CRTC3: variants seen among roughly 807,000 people sequenced by gnomAD.
CRTC3 encodes the protein CREB regulated transcription coactivator 3.
In CRTC3, 26 loss-of-function variants were observed where a neutral mutation model predicts 74.5. That is an observed-to-expected ratio of 0.35 (90% confidence interval 0.26 to 0.48). CRTC3 has a LOEUF of 0.48. CRTC3 is among the 20% of genes least tolerant of loss of function. CRTC3 has a pLI of 0.99. For missense variants in CRTC3, 760 were observed against 787.3 expected, an observed-to-expected ratio of 0.97 and a Z score of 0.41; for synonymous variants, 377 against 325.8, an observed-to-expected ratio of 1.16 and a Z score of -1.69.
At position 90,592,354 on chromosome 15, in the gene CRTC3, A is replaced by G. The variant is rs114211253; in HGVS notation, c.232-1282A>G. Among the ~76,000 whole-genome samples the G allele has an allele frequency of 5.2e-3, 793 of 152,314 alleles. 4 individuals carry two copies. The highest frequency in any genetic ancestry group is 0.018 in the African/African-American group (764 of 41,556). Reference sequence around the variant, plus strand: ...ATGTTGTACAGTGTAAATATATACAATTTTTCTTTGTCAGTAACACCTTAA... The same window carrying G: ...ATGTTGTACAGTGTAAATATATACAGTTTTTCTTTGTCAGTAACACCTTAA... On this transcript the variant is annotated intron_variant, in intron 2 of 14. Transcript: ENST00000268184.
intron 2 of CRTC3, among the ~76,000 whole-genome samples, chr15:90,561,435 A>G (rs1967008741): frequency 6.6e-6 from 1 of 152,194 alleles, no homozygotes; most frequent in Admixed American, 6.5e-5. Context: ...CTGAAGTCTT[A>G]ATCGGCCTGT....
intron 11 of CRTC3, chr15:90,637,724 G>A (rs2151097378): frequency 6.6e-6 from 1 of 152,276 alleles, no homozygotes; most frequent in African/African-American, 2.4e-5. Flanking sequence ...CAAGGCAAGG[G>A]CTCTGCAGGT....
intron 2 of CRTC3, among the ~76,000 whole-genome samples, chr15:90,546,668 G>C (rs1409889007): frequency 6.6e-6 from 1 of 151,790 alleles, no homozygotes; most frequent in Non-Finnish European, 1.5e-5. Flanking sequence ...TGTTGCCCAG[G>C]CTGGAGTGCA....
chr15:90,640,104 G>C (rs62025066), intron 13 of CRTC3, among the ~76,000 whole-genome samples: 7,604 of 152,140 alleles, frequency 0.05, 251 homozygotes, highest in Non-Finnish European at 0.072. Context: ...TGTTTCCTAA[G>C]CAGGCCACAG....
chr15:90,581,865 G>A (rs758999451), intron 2 of CRTC3, among the ~76,000 whole-genome samples: 3 of 152,156 alleles, frequency 2.0e-5, no homozygotes, highest in Non-Finnish European at 2.9e-5. Flanking sequence ...GGAGGGAGTC[G>A]GCAGGCTGAC....
intron 13 of CRTC3, among the ~76,000 whole-genome samples, chr15:90,639,814 G>A (rs934890034): frequency 3.3e-5 from 5 of 150,316 alleles, no homozygotes; most frequent in Admixed American, 1.3e-4. Context: ...TTGGGAGGCC[G>A]AGGCGGGCGG....
chr15:90,575,298 C>T (rs1967377667), intron 2 of CRTC3, among the ~76,000 whole-genome samples: 1 of 152,126 alleles, frequency 6.6e-6, no homozygotes, highest in South Asian at 2.1e-4. Flanking sequence ...TTGCAGTGAG[C>T]CAAGATTGTG....
Position 90,603,311 on chromosome 15 carries a change from C to T in CRTC3, c.413+926C>T, listed in dbSNP as rs1291897292. On this transcript the variant is annotated intron_variant, in intron 4 of 14. Transcript: ENST00000268184. The stretch of plus-strand genomic sequence containing the variant: ...ACAAAAAAGTAGCCGGGCGTGGTGG[C>T]AGGCGCCTGTAGTCCCAGCTACTCG... Among the ~76,000 whole-genome samples, 26 of 149,358 alleles carry T rather than the reference C, an allele frequency of 1.7e-4. 1 individual carries two copies. The highest frequency in any genetic ancestry group is 6.6e-4 in the South Asian group (3 of 4,580).
intron 2 of CRTC3, among the ~76,000 whole-genome samples, chr15:90,571,649 C>A (rs986551286): frequency 1.3e-5 from 2 of 152,256 alleles, no homozygotes; most frequent in Non-Finnish European, 2.9e-5. Flanking sequence ...GTTGTAGAAA[C>A]TCAAATAATA....
intron 11 of CRTC3, among the ~76,000 whole-genome samples, chr15:90,633,702 T>C (rs1287741942): frequency 2.1e-5 from 3 of 142,764 alleles, no homozygotes; most frequent in African/African-American, 7.8e-5. Context: ...CAGTTTTCTC[T>C]GTTCTTTCTC....
chr15:90,628,631 C>T (rs1387007284), intron 10 of CRTC3, among the ~76,000 whole-genome samples: 1 of 152,222 alleles, frequency 6.6e-6, no homozygotes, highest in African/African-American at 2.4e-5. Context: ...CCAGCAAAAA[C>T]TTCCTTTTCC....
intron 2 of CRTC3, among the ~76,000 whole-genome samples, chr15:90,572,413 A>G (rs568022171): frequency 2.0e-5 from 3 of 152,168 alleles, no homozygotes; most frequent in Admixed American, 2.0e-4. Context: ...TATTTGTGAG[A>G]TATGTTCCTA....
chr15:90,601,273 C>G (rs1968061927), intron 3 of CRTC3, among the ~76,000 whole-genome samples: 1 of 152,168 alleles, frequency 6.6e-6, no homozygotes, highest in Non-Finnish European at 1.5e-5. Flanking sequence ...GTGAACAACA[C>G]AAGACTGATA....
At chr15:90,628,095 T>G (rs1309690176) in intron 10 of CRTC3, among the ~76,000 whole-genome samples, 1 of 151,240 alleles carries the variant, frequency 6.6e-6, no homozygotes, top group African/African-American at 2.4e-5. Context: ...CACATGCCTG[T>G]AGTCCCAGCT....
At chr15:90,590,352 A>G (rs1172433483) in intron 2 of CRTC3, among the ~76,000 whole-genome samples, 1 of 152,138 alleles carries the variant, frequency 6.6e-6, no homozygotes, top group African/African-American at 2.4e-5. Flanking sequence ...AGATATAACC[A>G]TGTAAGAACT....
chr15:90,561,617 T>C (rs1052855507), intron 2 of CRTC3, among the ~76,000 whole-genome samples: 2 of 152,172 alleles, frequency 1.3e-5, no homozygotes, highest in Non-Finnish European at 2.9e-5. Flanking sequence ...TTCAATCATA[T>C]TAGTATGAAG....
chr15:90,548,190 C>G (rs141450941), intron 2 of CRTC3, among the ~76,000 whole-genome samples: 4 of 152,136 alleles, frequency 2.6e-5, no homozygotes, highest in African/African-American at 7.2e-5. Context: ...CTCCCAGCCT[C>G]GTATCCTTTA....
intron 2 of CRTC3, among the ~76,000 whole-genome samples, chr15:90,584,315 A>C (rs149164163): frequency 6.8e-6 from 1 of 147,062 alleles, no homozygotes; most frequent in African/African-American, 2.5e-5. Flanking sequence ...TCAGCTCCCT[A>C]CACCCTCCAC....
chr15:90,631,944 A>G (rs1185912938), intron 11 of CRTC3, among the ~76,000 whole-genome samples: 1 of 151,838 alleles, frequency 6.6e-6, no homozygotes, highest in African/African-American at 2.4e-5. Flanking sequence ...TCTGTCACCC[A>G]GGCTCGAGTG....
Sources: gnomAD v4.1 joint callset for allele counts (sites outside exome capture counted in the v4.1 genomes callset) on GRCh38, gnomAD v4.1.1 for gene constraint, MANE v1.5 for transcripts, NCBI Gene and HGNC (gene_info 2026-07-23, HGNC 2026-07-21) for gene names.